CTNND2: variants seen among roughly 807,000 people sequenced by gnomAD.
CTNND2 encodes catenin delta 2, also known as catenin delta-2.
Under a neutral mutation model 144.4 loss-of-function variants are expected in CTNND2, and 22 were observed. The ratio of observed to expected loss-of-function variants is 0.15; its 90% CI spans 0.11 to 0.22. The LOEUF (loss-of-function observed/expected upper bound fraction) is 0.22. Among genes scored for constraint, CTNND2 ranks in the 10% least tolerant of loss-of-function variants. The pLI is 1.00. For missense variants in CTNND2, 1,353 were observed against 1,618.8 expected (o/e 0.84, Z 2.82); for synonymous variants, 751 against 695.6 (o/e 1.08, Z -1.25).
At chr5:11,740,010 C>T (rs956898804) in intron 1 of CTNND2, among the ~76,000 whole-genome samples, 1 of 152,080 alleles carries the variant, frequency 6.6e-6, no homozygotes, top group African/African-American at 2.4e-5. Context: ...TCAAGGAGAA[C>T]TAAAAACCAC....
intron 9 of CTNND2, among the ~76,000 whole-genome samples, chr5:11,326,938 C>A (rs60433161): frequency 2.6e-5 from 4 of 152,070 alleles, no homozygotes; most frequent in African/African-American, 9.7e-5. Context: ...TCTCCTGGGA[C>A]GCATGCTCGC....
intron 1 of CTNND2, among the ~76,000 whole-genome samples, chr5:11,842,752 T>C (rs1794538290): frequency 6.6e-6 from 1 of 152,094 alleles, no homozygotes; most frequent in Non-Finnish European, 1.5e-5. Context: ...GTCTCTTTTA[T>C]AATTTTTATA....
In CTNND2 at chr5:10,988,141, C is replaced by T. The variant is rs745370714; in HGVS notation, c.3313G>A (p.Glu1105Lys). The T allele has an allele frequency of 6.2e-7, 1 of 1,614,164 alleles. No homozygotes were observed. Among genetic ancestry groups the T allele is most frequent in the South Asian group, 1.1e-5 (1 of 91,072 alleles). The change falls in exon 20 of 22, where the codon GAA (glutamate) becomes AAA (lysine). Residue 1105 changes from glutamate (E) to lysine (K), a missense_variant. By Grantham distance (56) the Glu-to-Lys change is moderately conservative (BLOSUM62 1). Coordinates refer to ENST00000304623, the MANE Select transcript of CTNND2 (RefSeq NM_001332.4). This position sits in a 1 kb window ranked among gnomAD's most constrained non-coding sequence, Gnocchi z 5.9. ...SNATYHGAKG[E>K]HTSRKDAMTA... ...ATGGCATCTTTCCTGGAAGTGTGTT[C>T]GCCTTTAGCTCCGTGGTAGGTGGCG...
At chr5:11,804,304 T>C (rs887514718) in intron 1 of CTNND2, among the ~76,000 whole-genome samples, 3 of 152,166 alleles carry the variant, frequency 2.0e-5, no homozygotes, top group African/African-American at 7.2e-5. Flanking sequence ...GCTGCTTTAG[T>C]ATACAACTAA....
At chr5:11,191,220 G>C (rs1166507792) in intron 11 of CTNND2, among the ~76,000 whole-genome samples, 2 of 152,104 alleles carry the variant, frequency 1.3e-5, no homozygotes, top group Non-Finnish European at 2.9e-5. Context: ...GTCTGTTGAG[G>C]GTGATTTTGC....
intron 9 of CTNND2, among the ~76,000 whole-genome samples, chr5:11,342,631 T>G (rs1187015317): frequency 6.6e-6 from 1 of 152,198 alleles, no homozygotes; most frequent in Non-Finnish European, 1.5e-5. Context: ...CTGCTACAAT[T>G]TACACATTAT....
At chr5:11,664,123 T>C (rs528936607) in intron 2 of CTNND2, among the ~76,000 whole-genome samples, 76 of 152,320 alleles carry the variant, frequency 5.0e-4, no homozygotes, top group African/African-American at 1.8e-3. Context: ...GAAAATGTTA[T>C]TCCATAATAA....
chr5:11,697,763 T>A (rs868003904), intron 2 of CTNND2, among the ~76,000 whole-genome samples: 5 of 152,270 alleles, frequency 3.3e-5, no homozygotes, highest in Admixed American at 2.6e-4. Context: ...GTTTGGTGAA[T>A]GAATTTGGGG....
At chr5:11,113,221 T>C (rs1444667488) in intron 13 of CTNND2, among the ~76,000 whole-genome samples, 1 of 152,198 alleles carries the variant, frequency 6.6e-6, no homozygotes, top group Non-Finnish European at 1.5e-5. Context: ...AGCTCACAGA[T>C]ACAGCTCTTT....
intron 3 of CTNND2, among the ~76,000 whole-genome samples, chr5:11,469,133 C>A (rs1766929926): frequency 6.6e-6 from 1 of 152,182 alleles, no homozygotes; most frequent in Non-Finnish European, 1.5e-5. Context: ...ACAGCTGAGG[C>A]TGCCCTTTGC....
chr5:11,660,360 G>A (rs957949323), intron 2 of CTNND2, among the ~76,000 whole-genome samples: 17 of 152,098 alleles, frequency 1.1e-4, no homozygotes, highest in African/African-American at 4.1e-4. Context: ...CCTGATTTAA[G>A]GAGAAAGAGA....
intron 9 of CTNND2, among the ~76,000 whole-genome samples, chr5:11,250,398 T>C (rs1743433491): frequency 1.3e-5 from 2 of 148,958 alleles, no homozygotes; most frequent in African/African-American, 4.9e-5. Context: ...CAACTCTAAG[T>C]AGAATGTGTG....
intron 3 of CTNND2, among the ~76,000 whole-genome samples, chr5:11,513,980 G>A (rs1362941161): frequency 6.6e-6 from 1 of 152,056 alleles, no homozygotes; most frequent in Admixed American, 6.6e-5. Flanking sequence ...CAAGAAATGG[G>A]CCAGCCTGGG....
chr5:11,523,660 G>A (rs1772957027), intron 3 of CTNND2, among the ~76,000 whole-genome samples: 1 of 152,190 alleles, frequency 6.6e-6, no homozygotes, highest in African/African-American at 2.4e-5. Context: ...TAACAAGAAA[G>A]ACAGGTCCCT....
chr5:11,710,381 A>T (rs1178085352), intron 2 of CTNND2, among the ~76,000 whole-genome samples: 1 of 152,068 alleles, frequency 6.6e-6, no homozygotes, highest in Admixed American at 6.6e-5. Flanking sequence ...CTCTACTAAA[A>T]TTACAAAAAT....
intron 3 of CTNND2, among the ~76,000 whole-genome samples, chr5:11,459,792 G>C (rs2149931064): frequency 6.6e-6 from 1 of 152,244 alleles, no homozygotes; most frequent in South Asian, 2.1e-4. Context: ...ATTTAGTCAA[G>C]ATTGTATTTA....
intron 12 of CTNND2, among the ~76,000 whole-genome samples, chr5:11,153,715 G>A (rs963574717): frequency 6.6e-6 from 1 of 151,158 alleles, no homozygotes; most frequent in African/African-American, 2.4e-5. Context: ...TGTACACAAA[G>A]ATAGATGGAA....
rs552210738 is a variant in CTNND2, at chr5:11,791,678, T to C, written c.38-59406A>G. 2.6e-5 allele frequency among the ~76,000 whole-genome samples: 4 copies of C among 152,312 alleles called. No individual in the cohort carries two copies. The South Asian group carries it at 8.3e-4, about 32-fold the overall frequency. On this transcript the variant is annotated intron_variant, in intron 1 of 21. Transcript: ENST00000304623. The stretch of plus-strand genomic sequence containing the variant: ...CACTAGCTTAATCTCCAATGTAATT[T>C]TGCTATGAAAGTGGTTCACGAAAAC...
chr5:11,075,686 C>T (rs1403038085), intron 16 of CTNND2, among the ~76,000 whole-genome samples: 5 of 152,250 alleles, frequency 3.3e-5, no homozygotes, highest in African/African-American at 4.8e-5. Context: ...CGCCAGTACC[C>T]GCAGGGATGC....
Sources: allele counts gnomAD v4.1 joint callset (sites outside exome capture counted in the v4.1 genomes callset), GRCh38; gene constraint gnomAD v4.1.1; non-coding constraint Gnocchi (gnomAD v3.1); transcripts MANE v1.5; gene names NCBI Gene and HGNC (gene_info 2026-07-23, HGNC 2026-07-21).